TRPM3: variants seen among roughly 807,000 people sequenced by gnomAD.
TRPM3 encodes the protein long transient receptor potential channel 3.
In TRPM3, 77 loss-of-function variants were observed where a neutral mutation model predicts 181.2. The observed-to-expected ratio is 0.42, with a 90% CI of 0.35 to 0.51. TRPM3 has a LOEUF of 0.51. Among genes scored for constraint, TRPM3 ranks in the 20% least tolerant of loss-of-function variants. The pLI, the probability that TRPM3 is intolerant of heterozygous loss-of-function variation, is 0.01. For missense variants in TRPM3, 1,759 were observed against 2,196.7 expected, an observed-to-expected ratio of 0.80 and a Z score of 3.98; for synonymous variants, 745 against 796.4, an observed-to-expected ratio of 0.94 and a Z score of 1.09.
intron 8 of TRPM3, among the ~76,000 whole-genome samples, chr9:70,688,840 A>G (rs755978157): frequency 6.6e-6 from 1 of 152,088 alleles, no homozygotes; most frequent in African/African-American, 2.4e-5. Flanking sequence ...TCATGCCCCT[A>G]TGATTCTCTA....
chr9:71,376,246 A>G (rs1225242027), intron 1 of TRPM3, among the ~76,000 whole-genome samples: 1 of 152,030 alleles, frequency 6.6e-6, no homozygotes, highest in Non-Finnish European at 1.5e-5. Flanking sequence ...ATGGAATTTT[A>G]TATCTCATCA....
chr9:71,105,641 A>C (rs925437974), intron 1 of TRPM3, among the ~76,000 whole-genome samples: 1 of 152,172 alleles, frequency 6.6e-6, no homozygotes, highest in African/African-American at 2.4e-5. Flanking sequence ...CAGATAGAAG[A>C]GGCATGGCTC....
At chr9:71,253,453 C>T (rs2082477673) in intron 1 of TRPM3, among the ~76,000 whole-genome samples, 1 of 152,148 alleles carries the variant, frequency 6.6e-6, no homozygotes, top group South Asian at 2.1e-4. Context: ...TGCTAACCAT[C>T]ATAACACCAC....
chr9:70,583,854 C>T (rs1190487450), intron 22 of TRPM3, among the ~76,000 whole-genome samples: 4 of 152,252 alleles, frequency 2.6e-5, no homozygotes, highest in African/African-American at 7.2e-5. Context: ...TTACTCTCAC[C>T]GTACTTCTTT....
intron 1 of TRPM3, among the ~76,000 whole-genome samples, chr9:71,287,187 T>G (rs1226734890): frequency 2.7e-5 from 4 of 149,094 alleles, no homozygotes; most frequent in Non-Finnish European, 5.9e-5. Context: ...AATAAGATAG[T>G]ATCGGGATGC....
chr9:71,379,717 A>C (rs11792491), intron 1 of TRPM3, among the ~76,000 whole-genome samples: 6,793 of 151,978 alleles, frequency 0.045, 493 homozygotes, highest in African/African-American at 0.15. Flanking sequence ...AATTCAAATA[A>C]ATACTTGGTC....
At chr9:70,949,826 A>C (rs1392186542) in intron 1 of TRPM3, among the ~76,000 whole-genome samples, 1 of 152,184 alleles carries the variant, frequency 6.6e-6, no homozygotes, top group East Asian at 1.9e-4. Flanking sequence ...TTTCTGGAGG[A>C]AATTTAACAT....
chr9:71,152,250 C>T (rs1335124712), intron 1 of TRPM3, among the ~76,000 whole-genome samples: 1 of 152,040 alleles, frequency 6.6e-6, no homozygotes, highest in Non-Finnish European at 1.5e-5. Context: ...CAAGTCAAGG[C>T]CACTGTTAAA....
At chr9:70,758,132 T>C (rs1461048466) in intron 8 of TRPM3, among the ~76,000 whole-genome samples, 1 of 152,280 alleles carries the variant, frequency 6.6e-6, no homozygotes, top group South Asian at 2.1e-4. Context: ...TTCAGCAAAG[T>C]CTCAGGATTC....
chr9:70,639,238 A>C (rs551587897), intron 10 of TRPM3, 44 bp from the exon 11 acceptor site: 1 of 1,606,204 alleles, frequency 6.2e-7, no homozygotes. Flanking sequence ...GGGTCTATCT[A>C]TGGATGCAGT....
chr9:71,046,332 T>A (rs2059438613), intron 1 of TRPM3, among the ~76,000 whole-genome samples: 1 of 152,192 alleles, frequency 6.6e-6, no homozygotes, highest in African/African-American at 2.4e-5. Context: ...CAGAGCATTC[T>A]GTGAGAATAA....
At chr9:71,006,612 G>A (rs1281302844) in intron 1 of TRPM3, among the ~76,000 whole-genome samples, 2 of 152,300 alleles carry the variant, frequency 1.3e-5, no homozygotes, top group South Asian at 2.1e-4. Flanking sequence ...GCTCACGCCT[G>A]TAATCTCAGC....
chr9:71,023,375 T>C (rs929109731), intron 1 of TRPM3, among the ~76,000 whole-genome samples: 1 of 152,202 alleles, frequency 6.6e-6, no homozygotes, highest in Non-Finnish European at 1.5e-5. Flanking sequence ...CCGGGATTCA[T>C]TGCAGATGGG....
chr9:71,108,804 A>G (rs2070354888), intron 1 of TRPM3, among the ~76,000 whole-genome samples: 1 of 152,182 alleles, frequency 6.6e-6, no homozygotes, highest in East Asian at 1.9e-4. Context: ...ATTTTTATTT[A>G]AGTTATCATG....
At chr9:70,649,710 T>A (rs1216746129) in intron 9 of TRPM3, among the ~76,000 whole-genome samples, 1 of 152,162 alleles carries the variant, frequency 6.6e-6, no homozygotes, top group East Asian at 1.9e-4. Flanking sequence ...ATTATTATAA[T>A]GTAATGGGAA....
At chr9:71,141,854 T>C (rs1018682449) in intron 1 of TRPM3, among the ~76,000 whole-genome samples, 1 of 152,220 alleles carries the variant, frequency 6.6e-6, no homozygotes, top group Non-Finnish European at 1.5e-5. Flanking sequence ...TCCTATGAAA[T>C]GGAATTTCTT....
intron 1 of TRPM3, among the ~76,000 whole-genome samples, chr9:71,106,657 C>T (rs1370956643): frequency 6.6e-6 from 1 of 152,194 alleles, no homozygotes; most frequent in African/African-American, 2.4e-5. Flanking sequence ...TGGACTAACA[C>T]TGCTCACTAT....
intron 1 of TRPM3, among the ~76,000 whole-genome samples, chr9:71,333,528 A>C (rs536529783): frequency 6.6e-6 from 1 of 152,088 alleles, no homozygotes; most frequent in Non-Finnish European, 1.5e-5. Flanking sequence ...CTGCCATGTG[A>C]TAAGTTGCCC....
intron 22 of TRPM3, among the ~76,000 whole-genome samples, chr9:70,556,520 G>C (rs546600694): frequency 6.6e-6 from 1 of 152,020 alleles, no homozygotes. Flanking sequence ...TCAGGAGTTC[G>C]AGACCAGCCT....
Sources: allele counts gnomAD v4.1 joint callset (sites outside exome capture counted in the v4.1 genomes callset), GRCh38; gene constraint gnomAD v4.1.1; transcripts MANE v1.5; gene names NCBI Gene and HGNC (gene_info 2026-07-23, HGNC 2026-07-21).